The following LOC128462377 variants were observed in gnomAD, a reference collection of about 807,000 sequenced individuals.
At chr16:89,411,938 G>C in the LOC128462377 span, among the ~76,000 whole-genome samples, 1 of 149,450 alleles carries the variant, frequency 6.7e-6, no homozygotes, top group Non-Finnish European at 1.5e-5. Flanking sequence ...GCCTCCCAGA[G>C]TCTCCTGGCC....
the LOC128462377 span, among the ~76,000 whole-genome samples, chr16:89,405,107 C>G: frequency 6.6e-6 from 1 of 152,132 alleles, no homozygotes. Flanking sequence ...CACCAGTTAA[C>G]CTGGTGTCAC....
the LOC128462377 span, among the ~76,000 whole-genome samples, chr16:89,406,259 G>A: frequency 1.3e-5 from 2 of 152,172 alleles, no homozygotes; most frequent in Non-Finnish European, 2.9e-5. Context: ...GCACCCACAC[G>A]TGCTGGTCTC....
the LOC128462377 span, among the ~76,000 whole-genome samples, chr16:89,362,439 G>A: frequency 6.6e-6 from 1 of 152,198 alleles, no homozygotes; most frequent in Admixed American, 6.5e-5. Flanking sequence ...CACAGCTACA[G>A]AATGAAGTGA....
the LOC128462377 span, among the ~76,000 whole-genome samples, chr16:89,381,331 C>CAAAAAAAAA: frequency 1.3e-5 from 1 of 76,352 alleles, no homozygotes; most frequent in African/African-American, 5.7e-5. Context: ...GACTCTGCTG[C>CAAAAAAAAA]AAAAAAAAAA....
At chr16:89,321,883 A>G in the LOC128462377 span, among the ~76,000 whole-genome samples, 1 of 152,096 alleles carries the variant, frequency 6.6e-6, no homozygotes, top group South Asian at 2.1e-4. Flanking sequence ...CTTCCTCTTC[A>G]GCCTCCTCAA....
the LOC128462377 span, among the ~76,000 whole-genome samples, chr16:89,417,126 T>C: frequency 6.6e-6 from 1 of 152,122 alleles, no homozygotes; most frequent in Non-Finnish European, 1.5e-5. Context: ...CACCTCTATT[T>C]CCAAGGAAAG....
At chr16:89,342,041 G>T in the LOC128462377 span, among the ~76,000 whole-genome samples, 3 of 85,434 alleles carry the variant, frequency 3.5e-5, no homozygotes, top group South Asian at 7.3e-4. Context: ...TGCCCACAGC[G>T]GCCACGGCCC....
chr16:89,348,648 T>C, the LOC128462377 span, among the ~76,000 whole-genome samples: 1 of 152,238 alleles, frequency 6.6e-6, no homozygotes, highest in African/African-American at 2.4e-5. Context: ...ATTTAAGCTA[T>C]CTATTTCTTC....
At chr16:89,377,270 A>G in the LOC128462377 span, among the ~76,000 whole-genome samples, 6 of 151,306 alleles carry the variant, frequency 4.0e-5, no homozygotes, top group African/African-American at 9.7e-5. Context: ...TCAACATGGG[A>G]GAGAGAGAGA....
chr16:89,391,512 C>T, the LOC128462377 span, among the ~76,000 whole-genome samples: 1 of 152,318 alleles, frequency 6.6e-6, no homozygotes, highest in East Asian at 1.9e-4. Context: ...TGGTCACAGA[C>T]GTCTTTTGCG....
chr16:89,357,878 C>T, the LOC128462377 span, among the ~76,000 whole-genome samples: 1 of 152,224 alleles, frequency 6.6e-6, no homozygotes, highest in African/African-American at 2.4e-5. Context: ...TTTCTGGGGA[C>T]ACCTTTCCTT....
chr16:89,323,124 T>C, the LOC128462377 span: 1 of 337,934 alleles, frequency 3.0e-6, no homozygotes, highest in African/African-American at 2.2e-5. Context: ...TGTTGTGCGC[T>C]CCGTGGAAAG....
At chr16:89,319,504 C>T in the LOC128462377 span, among the ~76,000 whole-genome samples, 17 of 152,242 alleles carry the variant, frequency 1.1e-4, no homozygotes, top group Admixed American at 9.8e-4. Context: ...GCCACCTGCA[C>T]GATGACAGCT....
the LOC128462377 span, among the ~76,000 whole-genome samples, chr16:89,384,293 G>A: frequency 3.3e-5 from 5 of 152,224 alleles, no homozygotes; most frequent in Non-Finnish European, 7.3e-5. Flanking sequence ...CACTTTGGGA[G>A]ACCGAGTTGG....
At chr16:89,403,294 C>T in the LOC128462377 span, among the ~76,000 whole-genome samples, 1 of 152,174 alleles carries the variant, frequency 6.6e-6, no homozygotes. Flanking sequence ...GTGAGCAATC[C>T]TGTGTGGCCT....
At chr16:89,319,250 C>T in the LOC128462377 span, among the ~76,000 whole-genome samples, 6 of 152,290 alleles carry the variant, frequency 3.9e-5, no homozygotes, top group Non-Finnish European at 7.4e-5. Flanking sequence ...GTCTGGGCCC[C>T]GACAGTGCGG....
At chr16:89,381,637 C>T in the LOC128462377 span, among the ~76,000 whole-genome samples, 9,680 of 152,278 alleles carry the variant, frequency 0.064, 647 homozygotes, top group East Asian at 0.36. Context: ...CATCCCCCAA[C>T]ATGCCTGTCA....
At chr16:89,355,202 C>T in the LOC128462377 span, among the ~76,000 whole-genome samples, 6 of 152,212 alleles carry the variant, frequency 3.9e-5, no homozygotes, top group East Asian at 7.7e-4. Flanking sequence ...TGGTGATGCT[C>T]GGGAGGCGGG....
chr16:89,366,124 C>A, the LOC128462377 span, among the ~76,000 whole-genome samples: 2 of 122,268 alleles, frequency 1.6e-5, no homozygotes, highest in African/African-American at 6.6e-5. Context: ...AGTGAGACTC[C>A]ATCTCAAAAA....
Sources: allele counts gnomAD v4.1 joint callset (sites outside exome capture counted in the v4.1 genomes callset), GRCh38; gene constraint gnomAD v4.1.1; transcripts MANE v1.5.